Variants in ZNF440 observed in about 807,000 individuals in gnomAD.
ZNF440 encodes zinc finger protein 440.
ZNF440 carries 47 observed loss-of-function variants against 49.7 expected under a neutral mutation model. The ratio of observed to expected loss-of-function variants is 0.95; its 90% confidence interval spans 0.75 to 1.21. The LOEUF (loss-of-function observed/expected upper bound fraction) is 1.21. ZNF440 is among the 50% of genes most tolerant of loss of function. The probability of loss-of-function intolerance (pLI) is 0.00; values close to 1 mark genes in which losing one functional copy is unlikely to be tolerated. For missense variants in ZNF440, 703 were observed against 715.0 expected, an observed-to-expected ratio of 0.98 and a Z score of 0.19; for synonymous variants, 255 against 237.7, an observed-to-expected ratio of 1.07 and a Z score of -0.67.
chr19:11,817,487 C>G (rs1230345643), intron 1 of ZNF440: 1 of 152,140 alleles, frequency 6.6e-6, no homozygotes, highest in Admixed American at 6.6e-5. Context: ...GTCCCAGGTA[C>G]TCGGGAGGCT....
chr19:11,826,198 C>T (rs916137514), intron 1 of ZNF440, among the ~76,000 whole-genome samples: 3 of 152,296 alleles, frequency 2.0e-5, no homozygotes, highest in Admixed American at 6.5e-5. Flanking sequence ...TGTTGAAAGG[C>T]TCATCTTGAG....
At chr19:11,818,430 G>A (rs1975759213) in intron 1 of ZNF440, among the ~76,000 whole-genome samples, 1 of 152,114 alleles carries the variant, frequency 6.6e-6, no homozygotes, top group South Asian at 2.1e-4. Flanking sequence ...TTAAATTGGT[G>A]TGTTACTCTG....
Position 11,832,114 on chromosome 19 carries a change from A to G in ZNF440, c.938A>G (p.Glu313Gly), listed in dbSNP as rs760543150. The G allele has an allele frequency of 6.2e-7, 1 of 1,614,182 alleles. No homozygotes were observed. Among genetic ancestry groups the G allele is most frequent in the Non-Finnish European group, 8.5e-7 (1 of 1,179,998 alleles). ...ERTHSRKNLY[E>G]CKQCGKALSS... ...ACCCACTCTAGGAAAAATCTCTATG[A>G]ATGTAAGCAGTGTGGGAAAGCATTA... Residue 313 changes from glutamate (E) to glycine (G), a missense_variant, in exon 4 of 4, where the codon GAA (glutamate) becomes GGA (glycine). Transcript: ENST00000304060.
rs1975989134 is a variant in ZNF440, at chr19:11,834,125, CT to C, written c.*1164del. On this transcript the variant is annotated 3_prime_UTR_variant, in exon 4 of 4. Coordinates refer to ENST00000304060, the MANE Select transcript of ZNF440 (RefSeq NM_152357.3). ...CATTTTTATCTCAACCTTAATTTTT[CT>C]TTCTTTTTTTTTTTCCCCCAGAAAG... is the stretch of plus-strand genomic sequence containing the variant. 1 of 292,614 alleles carries C rather than the reference CT, an allele frequency of 3.4e-6. No homozygotes were observed. The highest frequency in any genetic ancestry group is 6.4e-5 in the East Asian group (1 of 15,620). The allele number at this position is 292,614 out of a possible 1,614,324, so 18.1% of individuals were successfully genotyped here. A position where few individuals can be genotyped will look rare whatever the true frequency, so the allele number is the denominator to read the frequency against.
At chr19:11,817,342 T>G in intron 1 of ZNF440, 1 of 152,362 alleles carries the variant, frequency 6.6e-6, no homozygotes, top group East Asian at 1.9e-4. Flanking sequence ...AGGCCTGTAA[T>G]CTAAGCACTT....
At chr19:11,819,723 A>G (rs1327629437) in intron 1 of ZNF440, among the ~76,000 whole-genome samples, 1 of 152,186 alleles carries the variant, frequency 6.6e-6, no homozygotes, top group Non-Finnish European at 1.5e-5. Flanking sequence ...CACACAGCCT[A>G]TATAGGTAGA....
intron 1 of ZNF440, among the ~76,000 whole-genome samples, chr19:11,824,646 G>C (rs557497305): frequency 6.6e-6 from 1 of 151,434 alleles, no homozygotes; most frequent in Non-Finnish European, 1.5e-5. Flanking sequence ...CAAAACATTG[G>C]GCAGATAATC....
intron 1 of ZNF440, among the ~76,000 whole-genome samples, chr19:11,820,968 A>G (rs1975792943): frequency 6.6e-6 from 1 of 152,154 alleles, no homozygotes; most frequent in Non-Finnish European, 1.5e-5. Flanking sequence ...TGTTGGTGGG[A>G]AATAGTCAAT....
At chr19:11,818,806 C>T (rs529944402) in intron 1 of ZNF440, among the ~76,000 whole-genome samples, 2 of 152,274 alleles carry the variant, frequency 1.3e-5, no homozygotes, top group African/African-American at 4.8e-5. Flanking sequence ...TCCAAAATAG[C>T]TGAGATTACA....
Position 11,832,411 on chromosome 19 carries a change from G to C in ZNF440, c.1235G>C (p.Arg412Pro). 1 of 1,613,112 alleles carries C rather than the reference G, an allele frequency of 6.2e-7. No homozygotes were observed. Among genetic ancestry groups the C allele is most frequent in the Non-Finnish European group, 8.5e-7 (1 of 1,179,698 alleles). ...GKAFRSASHL[R>P]VHGRTHTGEK... Reference sequence around the variant, plus strand: ...GCCTTCAGATCTGCCTCACACCTTCGAGTGCATGGTAGGACTCACACTGGA... The same window carrying C: ...GCCTTCAGATCTGCCTCACACCTTCCAGTGCATGGTAGGACTCACACTGGA... The change falls in exon 4 of 4, where the codon CGA (arginine) becomes CCA (proline). Residue 412 changes from arginine (R) to proline (P), a missense_variant. By Grantham distance (103) the Arg-to-Pro change is moderately radical. Coordinates refer to ENST00000304060, the MANE Select transcript of ZNF440 (RefSeq NM_152357.3).
At chr19:11,820,943 G>A (rs1975792485) in intron 1 of ZNF440, among the ~76,000 whole-genome samples, 1 of 152,166 alleles carries the variant, frequency 6.6e-6, no homozygotes, top group African/African-American at 2.4e-5. Flanking sequence ...GGGGTACACA[G>A]GGGACACAAT....
chr19:11,826,998 A>G (rs1190505883), intron 1 of ZNF440, among the ~76,000 whole-genome samples: 5 of 151,604 alleles, frequency 3.3e-5, no homozygotes, highest in Admixed American at 6.6e-5. Context: ...TGTAATGTAG[A>G]GCATCCTGTC....
chr19:11,832,368 T>C lies in ZNF440; in HGVS notation c.1192T>C (p.Cys398Arg). ...RTHTGEKPYE[C>R]KQCGKAFRSA... ...TCACACTGGAGAGAAACCCTATGAG[T>C]GTAAGCAATGTGGGAAAGCCTTCAG... The change falls in exon 4 of 4, where the codon TGT (cysteine) becomes CGT (arginine). Residue 398 changes from cysteine to arginine, a missense_variant. By Grantham distance (180) the Cys-to-Arg change is radical. Coordinates refer to ENST00000304060, the MANE Select transcript of ZNF440 (RefSeq NM_152357.3). 6.2e-7 allele frequency: 1 copy of C among 1,613,904 alleles called. No homozygotes were observed. Among genetic ancestry groups the C allele is most frequent in the South Asian group, 1.1e-5 (1 of 91,054 alleles).
rs553345390 is a variant in ZNF440, at chr19:11,817,975, C to T, written c.3+3525C>T. ...CTGTAATCCCAGCACTTTGGGAGGC[C>T]GAGGTGGGCGGATCACTTGAGATTA... On this transcript the variant is annotated intron_variant, in intron 1 of 3. Transcript: ENST00000304060. 1.4e-4 allele frequency among the ~76,000 whole-genome samples: 22 copies of T among 152,132 alleles called. No homozygotes were observed. The South Asian group carries it at 3.7e-3, about 26-fold the overall frequency.
intron 1 of ZNF440, among the ~76,000 whole-genome samples, chr19:11,820,337 C>A (rs1975783578): frequency 6.6e-6 from 1 of 152,198 alleles, no homozygotes; most frequent in African/African-American, 2.4e-5. Context: ...CTGCCTCAGC[C>A]TCCCGAGTAG....
intron 1 of ZNF440, among the ~76,000 whole-genome samples, chr19:11,829,090 C>T (rs182403504): frequency 6.6e-6 from 1 of 152,222 alleles, no homozygotes; most frequent in Non-Finnish European, 1.5e-5. Flanking sequence ...CTGCATTGCT[C>T]ATTACTGCCA....
In ZNF440 at chr19:11,831,348, A is replaced by C. The variant is rs746205545; in HGVS notation, c.192-20A>C. On this transcript the variant is annotated intron_variant, in intron 3 of 3. Transcript: ENST00000304060. ...TACTTATAAACAAACCCTTCATAAT[A>C]TGCTTCTCATTTTTGACAGGAGTCT... is the stretch of plus-strand genomic sequence containing the variant. 1.3e-5 allele frequency: 20 copies of C among 1,595,522 alleles called. No individual in the cohort carries two copies. The highest frequency in any genetic ancestry group is 2.7e-5 in the African/African-American group (2 of 73,408).
chr19:11,835,142 GATCAC>G lies in ZNF440; in HGVS notation c.*2179_*2183del, dbSNP rs939267837. 1 of 152,198 alleles carries G rather than the reference GATCAC, an allele frequency of 6.6e-6. No homozygotes were observed. The highest frequency in any genetic ancestry group is 6.5e-5 in the Admixed American group (1 of 15,280). The allele number at this position is 152,198 out of a possible 1,614,324, so 9.4% of individuals were successfully genotyped here. On this transcript the variant is annotated 3_prime_UTR_variant, in exon 4 of 4. Transcript: ENST00000304060. ...GCACTTTGGGAGGCCGAGGCGGGCG[GATCAC>G]TAGGTCAGGAAATGGAGACCATCCT...
chr19:11,826,652 A>AT (rs1409578593), intron 1 of ZNF440, among the ~76,000 whole-genome samples: 1 of 127,198 alleles, frequency 7.9e-6, no homozygotes, highest in Non-Finnish European at 1.7e-5. Flanking sequence ...TCCTTTTTTA[A>AT]TTTTTTTTCC....
Sources: gnomAD v4.1 joint callset for allele counts (sites outside exome capture counted in the v4.1 genomes callset) on GRCh38, gnomAD v4.1.1 for gene constraint, MANE v1.5 for transcripts, NCBI Gene and HGNC (gene_info 2026-07-23, HGNC 2026-07-21) for gene names.